The following CD300A variants were observed in gnomAD, a reference collection of about 807,000 sequenced individuals.
The protein encoded by CD300A is CD300a molecule.
A neutral mutation model predicts 33.6 loss-of-function variants in CD300A; 22 were observed. The observed-to-expected ratio is 0.66, with a 90% CI of 0.47 to 0.94. The LOEUF (loss-of-function observed/expected upper bound fraction) is 0.94. Ranked by LOEUF, CD300A falls within the 40% of genes least tolerant of loss-of-function variation. The pLI is 0.00. For missense variants in CD300A, 326 were observed against 360.5 expected (o/e 0.90, Z 0.77); for synonymous variants, 136 against 148.1 (o/e 0.92, Z 0.59).
chr17:74,481,990 C>G (rs1244386568), intron 6 of CD300A, among the ~76,000 whole-genome samples, 157 bp downstream of exon 6: 1 of 149,732 alleles, frequency 6.7e-6, no homozygotes, highest in Admixed American at 6.6e-5. Flanking sequence ...TAGATTTTGC[C>G]AGAGCAGAGG....
At chr17:74,471,812 A>G (rs1361844708) in intron 1 of CD300A, among the ~76,000 whole-genome samples, 3 of 152,056 alleles carry the variant, frequency 2.0e-5, no homozygotes, top group Non-Finnish European at 4.4e-5. Flanking sequence ...AGTGGGGTCC[A>G]GGAGAAGCTT....
chr17:74,471,124 T>A (rs1241603086), intron 1 of CD300A, among the ~76,000 whole-genome samples: 1 of 152,258 alleles, frequency 6.6e-6, no homozygotes, highest in Non-Finnish European at 1.5e-5. Flanking sequence ...TTTTTGTATT[T>A]TTTTGTAGAG....
At chr17:74,467,480 T>TAA (rs1359467423) in intron 1 of CD300A, among the ~76,000 whole-genome samples, 1 of 152,062 alleles carries the variant, frequency 6.6e-6, no homozygotes, top group African/African-American at 2.4e-5. Context: ...AGCGCTGAGA[T>TAA]CTTCTTTAGG....
chr17:74,470,523 G>A (rs1391060336), intron 1 of CD300A, among the ~76,000 whole-genome samples: 7 of 152,148 alleles, frequency 4.6e-5, no homozygotes, highest in African/African-American at 1.4e-4. Flanking sequence ...GGTCACTGAG[G>A]TCAGGAGAGA....
rs1906781425 is a variant in CD300A at position 74,480,720 on chromosome 17, C to T, written c.629-569C>T. ...AGAGCTTGTTTTGGTCCCTCTCCTCCAGCTGGGAGCTTTCTTTCCTTTCTT... is the reference window on the plus strand; with the variant it reads ...AGAGCTTGTTTTGGTCCCTCTCCTCTAGCTGGGAGCTTTCTTTCCTTTCTT... On this transcript the variant is annotated intron_variant, in intron 4 of 6. Transcript: ENST00000360141. This position sits in a 1 kb window ranked among gnomAD's most constrained non-coding sequence, Gnocchi z 4.2. Among the ~76,000 whole-genome samples, 1 of 150,126 alleles carries T rather than the reference C, an allele frequency of 6.7e-6. No individual in the cohort carries two copies. The highest frequency in any genetic ancestry group is 2.4e-5 in the African/African-American group (1 of 41,044).
intron 1 of CD300A, among the ~76,000 whole-genome samples, chr17:74,472,161 C>A (rs958282797): frequency 4.6e-5 from 7 of 151,626 alleles, no homozygotes; most frequent in Non-Finnish European, 8.8e-5. Context: ...TCGCTTGAAC[C>A]CGGGAGGCAG....
At chr17:74,469,925 T>C (rs1031708030) in intron 1 of CD300A, 2 of 981,958 alleles carry the variant, frequency 2.0e-6, no homozygotes, top group Non-Finnish European at 2.4e-6. Flanking sequence ...CTTAATTCAC[T>C]GATTTCTGTG....
intron 1 of CD300A, among the ~76,000 whole-genome samples, chr17:74,471,512 A>C (rs1296179154): frequency 6.6e-6 from 1 of 152,156 alleles, no homozygotes; most frequent in Non-Finnish European, 1.5e-5. Flanking sequence ...AATTGTCACC[A>C]CTCTATAGAC....
At chr17:74,469,601 G>C (rs1289741057) in intron 1 of CD300A, among the ~76,000 whole-genome samples, 2 of 152,198 alleles carry the variant, frequency 1.3e-5, no homozygotes, top group African/African-American at 4.8e-5. Context: ...AAGGCGGGTG[G>C]ATCACTTGAG....
In CD300A at chr17:74,473,398, C is replaced by T. The variant is rs1335733941; in HGVS notation, c.41-138C>T. The T allele has an allele frequency of 1.2e-5, 9 of 761,326 alleles. No homozygotes were observed. In the East Asian group the frequency reaches 2.3e-4, roughly 19 times the overall value. The allele number at this position is 761,326 out of a possible 1,614,324, so 47.2% of individuals were successfully genotyped here. ...CGGAGGTAGCCTCTCATCCTCAGTC[C>T]CCGCTCCTGGGTGGACAAGGCCTCT... On this transcript the variant is annotated intron_variant, in intron 1 of 6. Transcript: ENST00000360141.
At chr17:74,466,864 G>A (rs72844338) in intron 1 of CD300A, 121 bp downstream of exon 1, 30,347 of 1,531,732 alleles carry the variant, frequency 0.02, 517 homozygotes, top group African/African-American at 0.082. Flanking sequence ...CGCAGAATGC[G>A]GTGCGCTCTG....
At chr17:74,481,191 G>C in intron 4 of CD300A, 98 bp from the exon 5 acceptor site, 1 of 1,130,232 alleles carries the variant, frequency 8.8e-7, no homozygotes, top group Non-Finnish European at 1.3e-6. Flanking sequence ...CCAGGGCTGA[G>C]GTCTCTAGGG....
intron 1 of CD300A, chr17:74,470,284 A>G (rs62087212): frequency 0.051 from 47,798 of 928,398 alleles, 1,624 homozygotes; most frequent in African/African-American, 0.26. Flanking sequence ...ACACTTCGCA[A>G]TCTCTAAATT....
chr17:74,482,732 T>TTCTTTCTTTCGTTCTTTCTTTCTTTCTC (rs1336360956), intron 6 of CD300A, among the ~76,000 whole-genome samples: 3 of 133,046 alleles, frequency 2.3e-5, no homozygotes, highest in African/African-American at 1.1e-4. Context: ...CTTTCTTTCT[T>TTCTTTCTTTCGTTCTTTCTTTCTTTCTC]TGGAATCTCG....
intron 5 of CD300A, 104 bp from the exon 6 acceptor site, chr17:74,481,622 C>A: frequency 1.2e-6 from 1 of 811,188 alleles, no homozygotes; most frequent in Non-Finnish European, 2.0e-6. Context: ...AAGGTGGGGG[C>A]TGAGGTGCTC....
intron 1 of CD300A, chr17:74,469,812 C>T (rs1905974718): frequency 2.8e-6 from 1 of 356,316 alleles, no homozygotes; most frequent in Non-Finnish European, 3.9e-6. Context: ...GCGACAAGAG[C>T]GAAACTCTGT....
intron 4 of CD300A, among the ~76,000 whole-genome samples, chr17:74,477,808 C>A (rs958011272): frequency 2.0e-5 from 3 of 152,096 alleles, no homozygotes; most frequent in Non-Finnish European, 2.9e-5. Context: ...CTGTTTAAAA[C>A]CCTGGCATGG....
Position 74,474,688 on chromosome 17 carries a change from A to G in CD300A, c.533+3A>G. ...ACTGAGGAGGTGGTGAACTCACAGT[A>G]AGCACCCTAGCCCCTGAGACATGGA... is the stretch of plus-strand genomic sequence containing the variant. On this transcript the variant is annotated splice_donor_region_variant and intron_variant, in intron 3 of 6. Coordinates refer to ENST00000360141, the MANE Select transcript of CD300A (RefSeq NM_007261.4). 4 of 1,613,976 alleles carry G rather than the reference A, an allele frequency of 2.5e-6. No individual in the cohort carries two copies. Among genetic ancestry groups the G allele is most frequent in the Non-Finnish European group, 2.5e-6 (3 of 1,179,916 alleles).
At chr17:74,483,911 C>T (rs562816798) in intron 6 of CD300A, 90 bp from the exon 7 acceptor site, 1 of 1,489,034 alleles carries the variant, frequency 6.7e-7, no homozygotes. Flanking sequence ...CCCAAAGCCC[C>T]TCAGGTGTCC....
Sources: allele counts gnomAD v4.1 joint callset (sites outside exome capture counted in the v4.1 genomes callset), GRCh38; gene constraint gnomAD v4.1.1; non-coding constraint Gnocchi (gnomAD v3.1); transcripts MANE v1.5; gene names NCBI Gene and HGNC (gene_info 2026-07-23, HGNC 2026-07-21).